MLLT10: variants seen among roughly 807,000 people sequenced by gnomAD.
MLLT10 encodes the protein protein AF-10.
In MLLT10, 30 loss-of-function variants were observed where a neutral mutation model predicts 129.1. The observed-to-expected ratio is 0.23, with a 90% CI of 0.17 to 0.32. The LOEUF (loss-of-function observed/expected upper bound fraction) is 0.32, where lower values mean the gene tolerates loss of function less well. MLLT10 is among the 10% of genes least tolerant of loss of function. The pLI is 1.00. For synonymous variants in MLLT10, 490 were observed against 446.4 expected (o/e 1.10, Z -1.23); for missense variants, 1,119 against 1,268.3 (o/e 0.88, Z 1.79).
chr10:21,673,472 C>A lies in MLLT10; in HGVS notation c.1174C>A (p.Gln392Lys), dbSNP rs755582385. Residue 392 changes from glutamine (Q) to lysine (K), a missense_variant, in exon 11 of 23, where the codon CAG becomes AAG. Gln to Lys is a moderately conservative substitution (Grantham distance 53). Transcript: ENST00000307729. ...LRNDSYSHSQQSSATKDVHKG... is the reference protein window; with the variant it reads ...LRNDSYSHSQKSSATKDVHKG... ...TAATGACAGTTACTCTCACTCCCAA[C>A]AGTCATCAGCAACCAAAGATGTACA... 5 of 1,613,924 alleles carry A rather than the reference C, an allele frequency of 3.1e-6. No individual in the cohort carries two copies. In the East Asian group the frequency reaches 1.1e-4, roughly 36 times the overall value.
At chr10:21,740,331 A>G (rs978603511) in intron 22 of MLLT10, 95 bp downstream of exon 22, 1 of 1,377,834 alleles carries the variant, frequency 7.3e-7, no homozygotes. Context: ...TCCCCTGATC[A>G]TTTCTTCTTA....
At chr10:21,648,587 A>G (rs777536226) in intron 8 of MLLT10, among the ~76,000 whole-genome samples, 1 of 152,202 alleles carries the variant, frequency 6.6e-6, no homozygotes, top group Non-Finnish European at 1.5e-5. Context: ...CTTCTTAATT[A>G]TCTTTGTAGG....
intron 3 of MLLT10, among the ~76,000 whole-genome samples, chr10:21,555,919 C>T (rs114996618): frequency 0.028 from 4,282 of 151,482 alleles, 201 homozygotes; most frequent in African/African-American, 0.097. Context: ...CACCTGCCTC[C>T]GTCTCCAAAA....
At chr10:21,630,908 C>T (rs2046936762) in intron 8 of MLLT10, among the ~76,000 whole-genome samples, 1 of 152,228 alleles carries the variant, frequency 6.6e-6, no homozygotes, top group Non-Finnish European at 1.5e-5. Context: ...GTTGTTCATA[C>T]AGTTGGCCTT....
intron 4 of MLLT10, among the ~76,000 whole-genome samples, chr10:21,589,182 G>C (rs935673493): frequency 3.3e-5 from 5 of 151,898 alleles, no homozygotes; most frequent in African/African-American, 1.2e-4. Context: ...TGCCCATCTG[G>C]TCAGTCTTTG....
Position 21,743,339 on chromosome 10 carries a change from A to G in MLLT10, c.*1356A>G, listed in dbSNP as rs546776876. The G allele has an allele frequency of 3.9e-4, 86 of 217,818 alleles. No homozygotes were observed. Among genetic ancestry groups the G allele is most frequent in the African/African-American group, 1.8e-3 (79 of 44,622 alleles). The allele number at this position is 217,818 out of a possible 1,614,324, so 13.5% of individuals were successfully genotyped here. A position where few individuals can be genotyped will look rare whatever the true frequency, so the allele number is the denominator to read the frequency against. On this transcript the variant is annotated 3_prime_UTR_variant, in exon 23 of 23. Transcript: ENST00000307729. ...ATCTGTTTTGTATTGTGACAAATTC[A>G]TAAGATAACATTGATATTTTGATTT...
At chr10:21,612,632 G>A (rs115987051) in intron 6 of MLLT10, among the ~76,000 whole-genome samples, 181 bp downstream of exon 6, 2,047 of 152,270 alleles carry the variant, frequency 0.013, 53 homozygotes, top group African/African-American at 0.047. Context: ...ATTTACCAGA[G>A]TGATTTTGCA....
chr10:21,704,956 A>G (rs980111779), intron 13 of MLLT10, among the ~76,000 whole-genome samples: 3 of 152,142 alleles, frequency 2.0e-5, no homozygotes, highest in African/African-American at 7.2e-5. Flanking sequence ...TGGACCAAGC[A>G]TGCCTCACCT....
chr10:21,738,304 G>C (rs1003456455), intron 21 of MLLT10: 5 of 873,220 alleles, frequency 5.7e-6, no homozygotes, highest in Admixed American at 6.8e-5. Flanking sequence ...ACTAAGATGG[G>C]ATCTTGTTTT....
intron 3 of MLLT10, among the ~76,000 whole-genome samples, chr10:21,569,425 AT>A (rs768378294): frequency 1.8e-3 from 251 of 138,384 alleles, no homozygotes; most frequent in African/African-American, 2.5e-3. Context: ...TACCCAGCCA[AT>A]TTTTTTTTTT....
chr10:21,644,149 AT>A (rs1224044724), intron 8 of MLLT10, among the ~76,000 whole-genome samples: 1 of 152,022 alleles, frequency 6.6e-6, no homozygotes, highest in Non-Finnish European at 1.5e-5. Context: ...AACTCATGTT[AT>A]ATTTTTTATT....
At chr10:21,648,186 A>C (rs931066116) in intron 8 of MLLT10, among the ~76,000 whole-genome samples, 1 of 152,176 alleles carries the variant, frequency 6.6e-6, no homozygotes, top group Admixed American at 6.5e-5. Context: ...AAATCAACAT[A>C]TGTTTTTAGT....
chr10:21,702,552 G>T (rs1007437437), intron 13 of MLLT10, among the ~76,000 whole-genome samples: 1 of 152,080 alleles, frequency 6.6e-6, no homozygotes, highest in Non-Finnish European at 1.5e-5. Context: ...TATTGTATTG[G>T]AGTTTATCCC....
intron 8 of MLLT10, chr10:21,625,016 G>T: frequency 1.0e-6 from 1 of 991,270 alleles, no homozygotes; most frequent in Non-Finnish European, 1.5e-6. Context: ...CACCATCATA[G>T]CCATAGTAGG....
intron 9 of MLLT10, among the ~76,000 whole-genome samples, chr10:21,666,881 C>G (rs1213717198): frequency 2.6e-5 from 4 of 152,000 alleles, no homozygotes; most frequent in African/African-American, 7.3e-5. Flanking sequence ...TTCACATCAT[C>G]ATCATCTCTC....
chr10:21,636,030 A>G (rs1397266765), intron 8 of MLLT10, among the ~76,000 whole-genome samples: 1 of 149,390 alleles, frequency 6.7e-6, no homozygotes, highest in Non-Finnish European at 1.5e-5. Context: ...ACCCAAATTC[A>G]GCACTTAACC....
intron 8 of MLLT10, among the ~76,000 whole-genome samples, chr10:21,633,085 T>C (rs971553201): frequency 2.4e-4 from 37 of 152,210 alleles, no homozygotes; most frequent in African/African-American, 8.0e-4. Context: ...ACCATGTAAA[T>C]TGCCCGTAAC....
chr10:21,541,871 T>C (rs1329822550), intron 3 of MLLT10, among the ~76,000 whole-genome samples: 2 of 152,212 alleles, frequency 1.3e-5, no homozygotes, highest in African/African-American at 4.8e-5. Context: ...GAATGCACTT[T>C]AATAGAATTA....
chr10:21,704,357 CTATATATATATA>C (rs3032384), intron 13 of MLLT10, among the ~76,000 whole-genome samples: 36 of 111,876 alleles, frequency 3.2e-4, no homozygotes, highest in East Asian at 3.1e-3. Context: ...CTCTCTCTCT[CTATATATATATA>C]TATATATATA....
Sources: allele counts gnomAD v4.1 joint callset (sites outside exome capture counted in the v4.1 genomes callset), GRCh38; gene constraint gnomAD v4.1.1; transcripts MANE v1.5; gene names NCBI Gene and HGNC (gene_info 2026-07-23, HGNC 2026-07-21).